The following CFAP65 variants were observed in gnomAD, a reference collection of about 807,000 sequenced individuals.
CFAP65 encodes the protein cilia and flagella associated protein 65, also known as cilia- and flagella-associated protein 65.
Under a neutral mutation model 208.0 loss-of-function variants are expected in CFAP65, and 155 were observed. The observed-to-expected ratio is 0.75, with a 90% CI of 0.65 to 0.85. The LOEUF (loss-of-function observed/expected upper bound fraction) is 0.85, where lower values mean the gene tolerates loss of function less well. Ranked by LOEUF, CFAP65 falls within the 40% of genes least tolerant of loss-of-function variation. CFAP65 has a pLI of 0.00. For missense variants in CFAP65, 2,294 were observed against 2,451.3 expected, an observed-to-expected ratio of 0.94 and a Z score of 1.36; for synonymous variants, 970 against 986.3, an observed-to-expected ratio of 0.98 and a Z score of 0.31.
intron 22 of CFAP65, 58 bp downstream of exon 22, chr2:219,013,810 G>T (rs1358149604): frequency 9.5e-6 from 14 of 1,476,160 alleles, no homozygotes; most frequent in Non-Finnish European, 1.2e-5. Context: ...ACAATGAAAT[G>T]CCCGGGGTAG....
intron 9 of CFAP65, among the ~76,000 whole-genome samples, chr2:219,030,477 T>C (rs1476750361): frequency 2.0e-5 from 3 of 152,222 alleles, no homozygotes; most frequent in African/African-American, 7.2e-5. Context: ...AGGACAGTCT[T>C]AGGGCTGCTC....
At chr2:219,005,406 A>G in intron 32 of CFAP65, 28 bp downstream of exon 32, 2 of 1,613,452 alleles carry the variant, frequency 1.2e-6, no homozygotes, top group South Asian at 1.1e-5. Context: ...CGAAGGTGGC[A>G]ATGAGGGCCC....
intron 17 of CFAP65, 56 bp from the exon 18 acceptor site, chr2:219,021,986 A>AC: frequency 6.3e-7 from 1 of 1,599,438 alleles, no homozygotes; most frequent in Non-Finnish European, 8.5e-7. Context: ...CCACAGCCCC[A>AC]CTCTCCCAGC....
In CFAP65 at chr2:219,003,267, G is replaced by C. The variant is rs1238077044; in HGVS notation, c.5561C>G (p.Pro1854Arg). The C allele has an allele frequency of 3.9e-6, 6 of 1,536,228 alleles. No homozygotes were observed. The highest frequency in any genetic ancestry group is 5.3e-6 in the Non-Finnish European group (6 of 1,140,152). Residue 1854 changes from proline (P) to arginine (R), a missense_variant, in exon 34 of 35, where the codon CCG (proline) becomes CGG (arginine). Coordinates refer to ENST00000341552, the MANE Select transcript of CFAP65 (RefSeq NM_194302.4). The surrounding 1 kb of genome is among the most constrained non-coding windows in gnomAD (Gnocchi z 4.4). Reference sequence around the variant, plus strand: ...CGCCTCCTGCAGGTTGGCGAAGGCCGGGAGCCTGCGAGGGGGCGGGGGCTA... The same window carrying C: ...CGCCTCCTGCAGGTTGGCGAAGGCCCGGAGCCTGCGAGGGGGCGGGGGCTA... ...QDEKEAIRRL[P>R]AFANLQEALL...
At position 219,010,657 on chromosome 2, in the gene CFAP65, G is replaced by A; in HGVS notation, c.4197C>T (p.His1399=). ...GGGGGTTGTAGCCCACTCCCTGGAA[G>A]TGGATGAGGGCCGAGTTCCATCCCA... The part of the protein sequence containing the change: ...HILGWNSALI[H]FQGVGYNPHM... The change falls in exon 26 of 35, where the codon CAC becomes CAT. Residue 1399 remains histidine, a synonymous_variant. Transcript: ENST00000341552. The A allele has an allele frequency of 6.2e-7, 1 of 1,610,682 alleles. No homozygotes were observed. Among genetic ancestry groups the A allele is most frequent in the Non-Finnish European group, 8.5e-7 (1 of 1,179,100 alleles).
rs112764514 is a variant in CFAP65, at chr2:219,029,640, A to G, written c.1413T>C (p.Cys471=). ...RGPAVSLQHY[C]VNFSWVNLGE... Reference sequence around the variant, plus strand: ...CAAGGTTGACCCAGCTGAAGTTGACACAGTAGTGCTGCAGGGACACAGCAG... The same window carrying G: ...CAAGGTTGACCCAGCTGAAGTTGACGCAGTAGTGCTGCAGGGACACAGCAG... The change falls in exon 11 of 35, where the codon TGT becomes TGC. Residue 471 remains cysteine (C), a synonymous_variant. Transcript: ENST00000341552. The G allele has an allele frequency of 9.2e-5, 148 of 1,614,082 alleles. No homozygotes were observed. In the African/African-American group the frequency reaches 1.8e-3, roughly 20 times the overall value.
rs1296125450 is a variant in CFAP65, at chr2:219,031,522, G to GT, written c.781dup (p.Thr261AsnfsTer3). 2.5e-6 allele frequency: 4 copies of GT among 1,614,096 alleles called. No individual in the cohort carries two copies. In the African/African-American group the frequency reaches 5.3e-5, roughly 22 times the overall value. On this transcript the variant is annotated frameshift_variant, in exon 7 of 35. Coordinates refer to ENST00000341552, the MANE Select transcript of CFAP65 (RefSeq NM_194302.4). LOFTEE classifies it high-confidence loss of function. The surrounding 1 kb of genome is among the most constrained non-coding windows in gnomAD (Gnocchi z 5.2). Reference sequence around the variant, plus strand: ...ATCCAGGCAGAAAAAGGCCTCAGTCGTATCTCCCACAGCACACATGGGCAG... The same window carrying GT: ...ATCCAGGCAGAAAAAGGCCTCAGTCGTTATCTCCCACAGCACACATGGGCAG...
At position 219,006,217 on chromosome 2, in the gene CFAP65, G is replaced by T. The variant is rs766254280; in HGVS notation, c.4726C>A (p.Pro1576Thr). ...CEPARKYKTL[P>T]PIKNQQSVSR... The stretch of plus-strand genomic sequence containing the variant: ...ACAGACTGCTGGTTCTTGATGGGAG[G>T]CAGTGTCTTTGGGAAGGGAGGGACA... Residue 1576 changes from proline to threonine, a missense_variant, in exon 31 of 35, where the codon CCT (proline) becomes ACT (threonine). Pro to Thr is a conservative substitution (Grantham distance 38). Coordinates refer to ENST00000341552, the MANE Select transcript of CFAP65 (RefSeq NM_194302.4). 16 of 1,606,100 alleles carry T rather than the reference G, an allele frequency of 1.0e-5. No individual in the cohort carries two copies. The highest frequency in any genetic ancestry group is 1.4e-5 in the Non-Finnish European group (16 of 1,174,088).
chr2:219,035,321 T>C (rs768299271), intron 5 of CFAP65, 159 bp downstream of exon 5: 54 of 1,544,822 alleles, frequency 3.5e-5, no homozygotes, highest in Non-Finnish European at 4.5e-5. Flanking sequence ...TAATGGATTA[T>C]AGCTGCATAA....
At position 219,037,859 on chromosome 2, in the gene CFAP65, G is replaced by A. The variant is rs2106271723; in HGVS notation, c.357+516C>T. ...CATCATACACAAAGCCATACCCATA[G>A]TCAAACCCCTGGACAGCTGCATCAT... On this transcript the variant is annotated intron_variant, in intron 4 of 34. Transcript: ENST00000341552. 1.3e-5 allele frequency among the ~76,000 whole-genome samples: 2 copies of A among 152,292 alleles called. 1 individual carries two copies. Among genetic ancestry groups the A allele is most frequent in the South Asian group, 4.2e-4 (2 of 4,816 alleles).
chr2:219,035,208 C>T (rs990709518), intron 5 of CFAP65: 52 of 999,746 alleles, frequency 5.2e-5, no homozygotes, highest in African/African-American at 3.3e-5. Flanking sequence ...CACATATACA[C>T]GAATGCCAAC....
chr2:219,009,980 C>G lies in CFAP65; in HGVS notation c.4414G>C (p.Ala1472Pro), dbSNP rs142244209. ...LNNISKNEEI[A>P]FSWQPSPLDF... ...AGAGGACTTGGCTGCCAGGAGAAGGCAATTTCCTCGTTCTTGGAGATGTTG... is the reference window on the plus strand; with the variant it reads ...AGAGGACTTGGCTGCCAGGAGAAGGGAATTTCCTCGTTCTTGGAGATGTTG... Residue 1472 changes from alanine (A) to proline (P), a missense_variant, in exon 27 of 35, where the codon GCC (alanine) becomes CCC (proline). Coordinates refer to ENST00000341552, the MANE Select transcript of CFAP65 (RefSeq NM_194302.4). 2.0e-5 allele frequency: 33 copies of G among 1,612,590 alleles called. No individual in the cohort carries two copies. The African/African-American group carries it at 3.7e-4, about 18-fold the overall frequency.
rs139808728 is a variant in CFAP65, at chr2:219,011,355, G to A, written c.3958-359C>T. ...AGTGGCATAATCATGGCTCACTGCC[G>A]CCTTGACCTCCTGGGCTCAAGCAAT... On this transcript the variant is annotated intron_variant, in intron 24 of 34. Coordinates refer to ENST00000341552, the MANE Select transcript of CFAP65 (RefSeq NM_194302.4). Among the ~76,000 whole-genome samples the A allele has an allele frequency of 4.4e-3, 607 of 138,820 alleles. 2 individuals are homozygous for A. Among genetic ancestry groups the A allele is most frequent in the Non-Finnish European group, 6.7e-3 (446 of 66,122 alleles). 91.1% of individuals were successfully genotyped at this position (138,820 alleles called of 152,430 possible). A position where few individuals can be genotyped will look rare whatever the true frequency, so the allele number is the denominator to read the frequency against.
intron 24 of CFAP65, 77 bp downstream of exon 24, chr2:219,013,182 C>T: frequency 9.9e-7 from 1 of 1,011,966 alleles, no homozygotes; most frequent in Non-Finnish European, 1.5e-6. Context: ...CTTTGTCACC[C>T]TCTCAAGGGC....
At chr2:219,018,757 A>AG (rs1480989091) in intron 21 of CFAP65, 1 of 402,586 alleles carries the variant, frequency 2.5e-6, no homozygotes, top group Non-Finnish European at 4.6e-6. Flanking sequence ...GGCATGCAGC[A>AG]GATGCCCAGT....
chr2:219,010,392 G>C (rs1384087331), intron 26 of CFAP65, among the ~76,000 whole-genome samples, 154 bp downstream of exon 26: 2 of 152,106 alleles, frequency 1.3e-5, no homozygotes, highest in African/African-American at 4.8e-5. Context: ...TCCTGAATCT[G>C]GAGGAGGGTG....
chr2:219,007,363 G>A (rs1946091861), intron 29 of CFAP65, among the ~76,000 whole-genome samples: 2 of 151,960 alleles, frequency 1.3e-5, no homozygotes, highest in African/African-American at 4.8e-5. Flanking sequence ...TATTTCTGTA[G>A]TGGCAGGGTC....
Position 219,013,509 on chromosome 2 carries a change from G to C in CFAP65, c.3846+10C>G, listed in dbSNP as rs770285304. On this transcript the variant is annotated intron_variant, in intron 23 of 34. Transcript: ENST00000341552. ...GAAACTAGGGCAGGGCCAGTGTGCT[G>C]GGGCCTCACCAGGATCTCCCGGCCA... 4.4e-5 allele frequency: 70 copies of C among 1,593,776 alleles called. No individual in the cohort carries two copies. Among genetic ancestry groups the C allele is most frequent in the Non-Finnish European group, 5.8e-5 (68 of 1,171,688 alleles).
At chr2:219,040,590 T>C (rs1416462882) in intron 1 of CFAP65, 26 bp from the exon 2 acceptor site, 3 of 1,552,132 alleles carry the variant, frequency 1.9e-6, no homozygotes, top group Admixed American at 3.9e-5. Flanking sequence ...GAGAGTCCAT[T>C]ACTTTTCTGC....
Sources: gnomAD v4.1 joint callset for allele counts (sites outside exome capture counted in the v4.1 genomes callset) on GRCh38, gnomAD v4.1.1 for gene constraint, Gnocchi (gnomAD v3.1) non-coding constraint, MANE v1.5 for transcripts, NCBI Gene and HGNC (gene_info 2026-07-23, HGNC 2026-07-21) for gene names.